Variants in COX17 observed in about 807,000 individuals in gnomAD.
The protein encoded by COX17 is cytochrome c oxidase copper chaperone COX17.
In COX17, 1 loss-of-function variant was observed where a neutral mutation model predicts 6.3. That is an observed-to-expected ratio of 0.16 (90% CI 0.06 to 0.75). The LOEUF is 0.75. Among genes scored for constraint, COX17 ranks in the 30% least tolerant of loss-of-function variants. COX17 has a pLI of 0.77. For missense variants in COX17, 73 were observed against 81.2 expected (o/e 0.90, Z 0.39); for synonymous variants, 26 against 30.5 (o/e 0.85, Z 0.49).
downstream of COX17, among the ~76,000 whole-genome samples, chr3:119,664,659 G>A (rs1560101710): frequency 6.6e-6 from 1 of 152,210 alleles, no homozygotes; most frequent in African/African-American, 2.4e-5. Context: ...CAAACTGTTT[G>A]TTACTTGTCC....
rs777804769 is a variant in COX17, at chr3:119,675,128, T to C, written c.*4+17A>G. On this transcript the variant is annotated intron_variant, in intron 2 of 2. Transcript: ENST00000261070. ...AAATCTGTAAAGCAATACACAACTT[T>C]GAAGCAAGAAGCTTACCATTTCATA... 1.3e-6 allele frequency: 2 copies of C among 1,576,096 alleles called. No homozygotes were observed. The highest frequency in any genetic ancestry group is 1.7e-6 in the Non-Finnish European group (2 of 1,146,234).
chr3:119,677,029 G>A (rs1223184046), intron 1 of COX17, 175 bp downstream of exon 1: 6 of 559,724 alleles, frequency 1.1e-5, no homozygotes, highest in African/African-American at 1.0e-4. Context: ...GGGGCGGGGG[G>A]GGGGGGCAGA....
chr3:119,675,285 A>C (rs1215621170), intron 1 of COX17, 52 bp from the exon 2 acceptor site: 1 of 1,277,678 alleles, frequency 7.8e-7, no homozygotes, highest in Non-Finnish European at 1.1e-6. Flanking sequence ...CACATTATTA[A>C]GTATGCATGA....
chr3:119,675,347 TAAAAC>T, intron 1 of COX17, 114 bp from the exon 2 acceptor site: 1 of 714,174 alleles, frequency 1.4e-6, no homozygotes, highest in Admixed American at 2.2e-5. Flanking sequence ...TAGCTGGAAT[TAAAAC>T]AAACGCTATT....
At chr3:119,667,655 G>A (rs2053004098), downstream of COX17, among the ~76,000 whole-genome samples, 1 of 122,676 alleles carries the variant, frequency 8.2e-6, no homozygotes. Flanking sequence ...TGTTATCAGA[G>A]TAGCCAAAAA....
At chr3:119,673,826 G>A (rs764287566) in intron 2 of COX17, among the ~76,000 whole-genome samples, 1 of 152,268 alleles carries the variant, frequency 6.6e-6, no homozygotes, top group Non-Finnish European at 1.5e-5. Context: ...AATGGGTTAA[G>A]AGTTCCAAGT....
intron 2 of COX17, among the ~76,000 whole-genome samples, chr3:119,670,291 C>T (rs1198783802): frequency 3.3e-5 from 5 of 152,120 alleles, no homozygotes; most frequent in Admixed American, 2.0e-4. Flanking sequence ...GAGAACAATG[C>T]TAGGAAGGTA....
At chr3:119,667,784 G>C (rs2053007819), downstream of COX17, among the ~76,000 whole-genome samples, 1 of 151,696 alleles carries the variant, frequency 6.6e-6, no homozygotes, top group African/African-American at 2.4e-5. Flanking sequence ...ATTGTAGACT[G>C]ATGGGATTTC....
At chr3:119,673,749 CAA>C (rs1282123089) in intron 2 of COX17, among the ~76,000 whole-genome samples, 1 of 152,216 alleles carries the variant, frequency 6.6e-6, no homozygotes, top group East Asian at 1.9e-4. Context: ...AGCTTCCAAA[CAA>C]AAGAGTATCA....
At chr3:119,665,497 C>T (rs2052985889), downstream of COX17, among the ~76,000 whole-genome samples, 1 of 152,194 alleles carries the variant, frequency 6.6e-6, no homozygotes, top group Non-Finnish European at 1.5e-5. Flanking sequence ...ACCCCAGCCT[C>T]CCAAGTAACT....
intron 1 of COX17, 37 bp downstream of exon 1, chr3:119,677,167 G>C: frequency 6.4e-7 from 1 of 1,552,820 alleles, no homozygotes; most frequent in Non-Finnish European, 8.8e-7. Flanking sequence ...CGCGGCCCGG[G>C]GCTCGTCGGC....
intron 1 of COX17, chr3:119,676,968 T>C (rs1223061444): frequency 3.2e-6 from 2 of 616,766 alleles, no homozygotes; most frequent in African/African-American, 4.0e-5. Flanking sequence ...CCACGAAACC[T>C]ACAAGGCCCA....
intron 1 of COX17, chr3:119,676,802 T>C: frequency 1.4e-6 from 1 of 701,910 alleles, no homozygotes; most frequent in Non-Finnish European, 2.6e-6. Flanking sequence ...TGCATCTTTA[T>C]CCATGTCTAC....
intron 2 of COX17, chr3:119,674,795 C>CAA (rs58394788): frequency 0.018 from 2,375 of 134,382 alleles, 32 homozygotes; most frequent in Non-Finnish European, 0.02. Flanking sequence ...GACCCTGTCT[C>CAA]AAAAAAAAAA....
downstream of COX17, among the ~76,000 whole-genome samples, chr3:119,667,684 G>A (rs1229432368): frequency 8.9e-6 from 1 of 112,640 alleles, no homozygotes; most frequent in Admixed American, 1.1e-4. Context: ...GAAAGTAAAA[G>A]GTGTACACAC....
intron 2 of COX17, among the ~76,000 whole-genome samples, chr3:119,671,587 A>G (rs1041606084): frequency 2.0e-5 from 3 of 152,214 alleles, no homozygotes; most frequent in African/African-American, 7.2e-5. Context: ...TTCACCCTCC[A>G]GCCAATGGCC....
chr3:119,667,724 CACACAGAGAG>C (rs1372550365), downstream of COX17, among the ~76,000 whole-genome samples: 2,883 of 105,992 alleles, frequency 0.027, 39 homozygotes, highest in Middle Eastern at 0.081. Flanking sequence ...CACACACACA[CACACAGAGAG>C]AGAGAGACAG....
chr3:119,675,665 A>ATTTTTT, intron 1 of COX17: 1 of 154,906 alleles, frequency 6.5e-6, no homozygotes, highest in African/African-American at 2.4e-5. Context: ...TAATTACATC[A>ATTTTTT]AAAACATCTG....
chr3:119,673,358 T>A (rs1453561651), intron 2 of COX17, among the ~76,000 whole-genome samples: 1 of 152,220 alleles, frequency 6.6e-6, no homozygotes, highest in African/African-American at 2.4e-5. Context: ...GCTTACATTC[T>A]AGCTGCCGTG....
Sources: allele counts gnomAD v4.1 joint callset (sites outside exome capture counted in the v4.1 genomes callset), GRCh38; gene constraint gnomAD v4.1.1; transcripts MANE v1.5; gene names NCBI Gene and HGNC (gene_info 2026-07-23, HGNC 2026-07-21).